The following PHF24 variants were observed in gnomAD, a reference collection of about 807,000 sequenced individuals.
PHF24 encodes Galpha inhibitory interacting protein.
PHF24 carries 25 observed loss-of-function variants against 42.6 expected under a neutral mutation model. That is an observed-to-expected ratio of 0.59 (90% CI 0.43 to 0.82). The LOEUF (loss-of-function observed/expected upper bound fraction) is 0.82, where lower values mean the gene tolerates loss of function less well. PHF24 is among the 40% of genes least tolerant of loss of function. PHF24 has a pLI of 0.00. For synonymous variants in PHF24, 185 were observed against 204.8 expected (o/e 0.90, Z 0.83); for missense variants, 470 against 538.1 (o/e 0.87, Z 1.25).
the PHF24 span, among the ~76,000 whole-genome samples, chr9:34,935,608 AGAG>A: frequency 6.7e-6 from 1 of 148,764 alleles, no homozygotes; most frequent in Non-Finnish European, 1.5e-5. Context: ...AAAAAAAAAA[AGAG>A]AGAGAATGGG....
chr9:34,671,127 T>G, the PHF24 span, among the ~76,000 whole-genome samples: 1 of 152,198 alleles, frequency 6.6e-6, no homozygotes. Flanking sequence ...TGAGTTAGAA[T>G]AGCTGGAGGA....
At chr9:34,667,018 T>G in the PHF24 span, among the ~76,000 whole-genome samples, 3 of 152,168 alleles carry the variant, frequency 2.0e-5, no homozygotes, top group South Asian at 2.1e-4. Context: ...GGGGTAGAGC[T>G]GGGAGGATCA....
intron 1 of PHF24, among the ~76,000 whole-genome samples, chr9:34,965,343 A>C (rs1826731069): frequency 6.6e-6 from 1 of 152,248 alleles, no homozygotes; most frequent in Non-Finnish European, 1.5e-5. Context: ...AGTCAAAGTC[A>C]TGTCAATTCA....
the PHF24 span, among the ~76,000 whole-genome samples, chr9:34,708,472 C>T: frequency 3.3e-4 from 51 of 152,278 alleles, no homozygotes; most frequent in Non-Finnish European, 6.5e-4. Context: ...TGAAGCAAGT[C>T]CCCTCGGGTC....
chr9:34,854,905 G>A, the PHF24 span, among the ~76,000 whole-genome samples: 1 of 152,188 alleles, frequency 6.6e-6, no homozygotes, highest in African/African-American at 2.4e-5. Context: ...TATTGTGTGG[G>A]AGTCTAAGTC....
chr9:34,892,619 C>T, the PHF24 span: 2 of 442,242 alleles, frequency 4.5e-6, no homozygotes, highest in African/African-American at 4.0e-5. Context: ...GCTCTGGGTT[C>T]AGGGAAAGAA....
the PHF24 span, among the ~76,000 whole-genome samples, chr9:34,932,659 TATGGTGTTACTACTTGTATA>T: frequency 6.6e-6 from 1 of 152,150 alleles, no homozygotes; most frequent in Admixed American, 6.5e-5. Context: ...CAAATTTCAG[TATGGTGTTACTACTTGTATA>T]ATAGTCTTTT....
At chr9:34,769,456 T>C in the PHF24 span, among the ~76,000 whole-genome samples, 7 of 152,176 alleles carry the variant, frequency 4.6e-5, no homozygotes, top group Admixed American at 6.5e-5. Flanking sequence ...TATACCATAT[T>C]CTAAGGGATA....
the PHF24 span, among the ~76,000 whole-genome samples, chr9:34,773,001 T>C: frequency 1.3e-5 from 2 of 152,040 alleles, no homozygotes; most frequent in Non-Finnish European, 2.9e-5. Context: ...GTTTTTTTTT[T>C]TTTTTTGAGA....
the PHF24 span, among the ~76,000 whole-genome samples, chr9:34,747,430 A>C: frequency 2.0e-5 from 3 of 152,192 alleles, no homozygotes; most frequent in East Asian, 5.8e-4. Flanking sequence ...AAAGAAAAAA[A>C]AGTTATACAA....
the PHF24 span, chr9:34,835,362 C>CA: frequency 1.4e-4 from 222 of 1,550,008 alleles, no homozygotes; most frequent in Non-Finnish European, 1.9e-4. Flanking sequence ...GACTCCTCCA[C>CA]ACGTCTTGGG....
chr9:34,822,161 AT>A, the PHF24 span, among the ~76,000 whole-genome samples: 6 of 152,140 alleles, frequency 3.9e-5, no homozygotes, highest in Middle Eastern at 3.2e-3. Context: ...TTTAAAATCC[AT>A]TATCTTTTAG....
chr9:34,887,078 C>T, the PHF24 span, among the ~76,000 whole-genome samples: 4 of 152,180 alleles, frequency 2.6e-5, no homozygotes, highest in Admixed American at 6.5e-5. Context: ...CAACTTCATC[C>T]TGCCAGTTGT....
At chr9:34,833,475 C>T in the PHF24 span, 1 of 1,550,366 alleles carries the variant, frequency 6.5e-7, no homozygotes, top group South Asian at 1.2e-5. Flanking sequence ...ATGGGCAGTT[C>T]CTGGAGCAAT....
exon 8 of PHF24, chr9:34,979,155 C>T (rs1302719263): frequency 2.0e-5 from 3 of 152,280 alleles, no homozygotes; most frequent in East Asian, 3.8e-4. Flanking sequence ...GAAAGATCTG[C>T]AGAGCCCTGA....
the PHF24 span, among the ~76,000 whole-genome samples, chr9:34,848,628 C>G: frequency 6.6e-6 from 1 of 151,420 alleles, no homozygotes; most frequent in Non-Finnish European, 1.5e-5. Flanking sequence ...TTAGTTATTT[C>G]TTGCCTTCTG....
the PHF24 span, among the ~76,000 whole-genome samples, chr9:34,839,325 C>T: frequency 6.6e-6 from 1 of 152,154 alleles, no homozygotes; most frequent in Non-Finnish European, 1.5e-5. Context: ...GTGGTTGGAT[C>T]TATTCATCTC....
the PHF24 span, among the ~76,000 whole-genome samples, chr9:34,781,594 G>A: frequency 6.6e-6 from 1 of 152,050 alleles, no homozygotes; most frequent in African/African-American, 2.4e-5. Flanking sequence ...GGTTAAAATG[G>A]CACATTTTAT....
chr9:34,823,066 GGC>G, the PHF24 span, among the ~76,000 whole-genome samples: 3 of 151,230 alleles, frequency 2.0e-5, no homozygotes, highest in Non-Finnish European at 3.0e-5. Flanking sequence ...CGCGGTGGCG[GGC>G]GCCTGTAGTC....
Sources: gnomAD v4.1 joint callset for allele counts (sites outside exome capture counted in the v4.1 genomes callset) on GRCh38, gnomAD v4.1.1 for gene constraint, MANE v1.5 for transcripts, NCBI Gene and HGNC (gene_info 2026-07-23, HGNC 2026-07-21) for gene names.